The following SLC12A8 variants were observed in gnomAD, a reference collection of about 807,000 sequenced individuals.
SLC12A8 encodes the protein solute carrier family 12 member 8.
SLC12A8 carries 69 observed loss-of-function variants against 75.6 expected under a neutral mutation model. That is an observed-to-expected ratio of 0.91 (90% CI 0.75 to 1.11). The LOEUF is 1.11. Among genes scored for constraint, SLC12A8 ranks in the 50% most tolerant of loss-of-function variants. The pLI is 0.00. For missense variants in SLC12A8, 877 were observed against 896.7 expected (o/e 0.98, Z 0.28); for synonymous variants, 365 against 372.8 (o/e 0.98, Z 0.24).
At chr3:125,113,628 T>C (rs1939238904) in intron 8 of SLC12A8, among the ~76,000 whole-genome samples, 1 of 152,218 alleles carries the variant, frequency 6.6e-6, no homozygotes, top group Non-Finnish European at 1.5e-5. Context: ...AATGTGCCAG[T>C]GGAGGTGGAA....
At chr3:125,182,283 C>T (rs557671912) in intron 4 of SLC12A8, among the ~76,000 whole-genome samples, 4 of 151,824 alleles carry the variant, frequency 2.6e-5, no homozygotes, top group South Asian at 2.1e-4. Flanking sequence ...GCTGTGATGG[C>T]GTCACTGCAC....
In SLC12A8 at chr3:125,118,817, G is replaced by C; in HGVS notation, c.864C>G (p.Ala288=). The change falls in exon 8 of 14, where the codon GCC becomes GCG. Residue 288 remains alanine, a synonymous_variant. Transcript: ENST00000469902. ...LYIIFVFLLG[A]ICTREALRYD... ...AGCGAAGGGCCTCTCGAGTGCAGATGGCGCCCAGGAGGAAGACGAAGATGA... is the reference window on the plus strand; with the variant it reads ...AGCGAAGGGCCTCTCGAGTGCAGATCGCGCCCAGGAGGAAGACGAAGATGA... 6.2e-7 allele frequency: 1 copy of C among 1,613,842 alleles called. No homozygotes were observed. The highest frequency in any genetic ancestry group is 8.5e-7 in the Non-Finnish European group (1 of 1,179,884).
intron 2 of SLC12A8, 150 bp from the exon 3 acceptor site, chr3:125,190,671 A>ACAC: frequency 1.6e-5 from 13 of 788,572 alleles, no homozygotes; most frequent in Non-Finnish European, 2.5e-5. Context: ...GTATACACAC[A>ACAC]TGCATGCACA....
intron 2 of SLC12A8, among the ~76,000 whole-genome samples, chr3:125,207,200 G>A (rs1935243126): frequency 6.6e-6 from 1 of 152,118 alleles, no homozygotes; most frequent in African/African-American, 2.4e-5. Flanking sequence ...GCCTGCAGCG[G>A]GTTTTTTCTA....
At chr3:125,186,325 C>T (rs1170716306) in intron 4 of SLC12A8, among the ~76,000 whole-genome samples, 2 of 152,160 alleles carry the variant, frequency 1.3e-5, no homozygotes, top group African/African-American at 2.4e-5. Flanking sequence ...TAGACACACA[C>T]AGGCACCCCC....
intron 5 of SLC12A8, among the ~76,000 whole-genome samples, chr3:125,175,014 A>G (rs572617278): frequency 5.3e-5 from 8 of 152,346 alleles, no homozygotes; most frequent in African/African-American, 1.2e-4. Flanking sequence ...AACACAGGAT[A>G]TTAATAATAG....
At chr3:125,105,578 G>A (rs1287923505) in intron 10 of SLC12A8, among the ~76,000 whole-genome samples, 1 of 152,126 alleles carries the variant, frequency 6.6e-6, no homozygotes, top group African/African-American at 2.4e-5. Flanking sequence ...CAAAAGTTGA[G>A]CAAAAAAGGA....
intron 2 of SLC12A8, among the ~76,000 whole-genome samples, chr3:125,200,385 G>A (rs1409740434): frequency 6.6e-6 from 1 of 152,146 alleles, no homozygotes; most frequent in African/African-American, 2.4e-5. Context: ...GGAGGTTAAG[G>A]CTCCAGTGAG....
At chr3:125,098,914 C>G (rs940103987) in intron 10 of SLC12A8, among the ~76,000 whole-genome samples, 1 of 152,142 alleles carries the variant, frequency 6.6e-6, no homozygotes, top group African/African-American at 2.4e-5. Flanking sequence ...GCAGACCCAG[C>G]TAGGGTGAGC....
chr3:125,178,063 C>A, intron 4 of SLC12A8, 89 bp from the exon 5 acceptor site: 4 of 1,068,800 alleles, frequency 3.7e-6, no homozygotes, highest in Non-Finnish European at 5.6e-6. Context: ...ACCCTGCACC[C>A]CCATCGGACA....
intron 2 of SLC12A8, among the ~76,000 whole-genome samples, chr3:125,208,791 C>CACAGAGAGAGAGAGAGAG (rs1368605617): frequency 1.2e-5 from 1 of 84,228 alleles, no homozygotes; most frequent in Non-Finnish European, 2.4e-5. Flanking sequence ...CACACACACA[C>CACAGAGAGAGAGAGAGAG]AGAGAGAGAG....
intron 5 of SLC12A8, among the ~76,000 whole-genome samples, chr3:125,156,151 T>A (rs2107774906): frequency 6.6e-6 from 1 of 152,302 alleles, no homozygotes; most frequent in East Asian, 1.9e-4. Context: ...GAGTGTGCCA[T>A]CCAATGGGAG....
intron 6 of SLC12A8, among the ~76,000 whole-genome samples, chr3:125,127,860 A>T (rs1933246699): frequency 6.6e-6 from 1 of 152,240 alleles, no homozygotes; most frequent in Non-Finnish European, 1.5e-5. Flanking sequence ...ATTACAAAAA[A>T]TAGACATGTA....
intron 10 of SLC12A8, among the ~76,000 whole-genome samples, chr3:125,100,614 G>A (rs1191071050): frequency 2.0e-5 from 3 of 151,246 alleles, no homozygotes; most frequent in Admixed American, 6.6e-5. Flanking sequence ...CTCCATGTTG[G>A]TCAGGCTGGT....
intron 6 of SLC12A8, among the ~76,000 whole-genome samples, chr3:125,130,358 G>A (rs1933321689): frequency 6.6e-6 from 1 of 152,044 alleles, no homozygotes; most frequent in African/African-American, 2.4e-5. Context: ...GTGGGAGGTC[G>A]AGGCGGGTGG....
intron 2 of SLC12A8, among the ~76,000 whole-genome samples, chr3:125,195,426 G>A (rs139667374): frequency 5.9e-5 from 9 of 152,302 alleles, no homozygotes; most frequent in African/African-American, 1.9e-4. Context: ...AATTGGAGCC[G>A]TCAAAGTCTG....
rs143474143 is a variant in SLC12A8 at position 125,154,655 on chromosome 3, G to A, written c.623-18873C>T. Among the ~76,000 whole-genome samples the A allele has an allele frequency of 1.5e-4, 23 of 151,986 alleles. No individual in the cohort carries two copies. In the East Asian group the frequency reaches 2.3e-3, roughly 15 times the overall value. On this transcript the variant is annotated intron_variant, in intron 5 of 13. Transcript: ENST00000469902. ...TAGTACCTAACCCTATATACACCAC[G>A]TTTTTTCCTATATATGCATACCTAT...
intron 5 of SLC12A8, among the ~76,000 whole-genome samples, chr3:125,154,057 AT>A (rs1437872671): frequency 6.6e-6 from 1 of 152,124 alleles, no homozygotes; most frequent in African/African-American, 2.4e-5. Flanking sequence ...CAGATGATGA[AT>A]TTTAAAATCA....
At chr3:125,202,238 A>G (rs1579545319) in intron 2 of SLC12A8, among the ~76,000 whole-genome samples, 1 of 152,308 alleles carries the variant, frequency 6.6e-6, no homozygotes, top group East Asian at 1.9e-4. Flanking sequence ...ATCCTACTAC[A>G]ATTAATTGAT....
Sources: allele counts gnomAD v4.1 joint callset (sites outside exome capture counted in the v4.1 genomes callset), GRCh38; gene constraint gnomAD v4.1.1; transcripts MANE v1.5; gene names NCBI Gene and HGNC (gene_info 2026-07-23, HGNC 2026-07-21).